The following HIRA variants were observed in gnomAD, a reference collection of about 807,000 sequenced individuals.
HIRA encodes histone cell cycle regulator.
HIRA carries 13 observed loss-of-function variants against 126.6 expected under a neutral mutation model. The ratio of observed to expected loss-of-function variants is 0.10; its 90% CI spans 0.07 to 0.16. The LOEUF is 0.16. HIRA is among the 10% of genes least tolerant of loss of function. The pLI is 1.00. For missense variants in HIRA, 834 were observed against 1,314.4 expected, an observed-to-expected ratio of 0.63 and a Z score of 5.65; for synonymous variants, 511 against 520.0, an observed-to-expected ratio of 0.98 and a Z score of 0.24.
intron 19 of HIRA, 27 bp from the exon 20 acceptor site, chr22:19,356,315 C>T: frequency 6.2e-7 from 1 of 1,606,314 alleles, no homozygotes; most frequent in Non-Finnish European, 8.5e-7. Flanking sequence ...GAACAGTTTA[C>T]TCACCAACCC....
At chr22:19,399,384 GCTGTGGTT>G in intron 5 of HIRA, among the ~76,000 whole-genome samples, 1 of 138,474 alleles carries the variant, frequency 7.2e-6, no homozygotes, top group African/African-American at 2.7e-5. Context: ...TGTCTCACAT[GCTGTGGTT>G]CACATTTTGT....
intron 20 of HIRA, 32 bp downstream of exon 20, chr22:19,356,198 A>G (rs928575735): frequency 2.5e-6 from 4 of 1,605,434 alleles, no homozygotes; most frequent in South Asian, 2.2e-5. Context: ...TGGGCCCCCA[A>G]AAGAGTAGGG....
At chr22:19,429,623 G>C (rs1266985247) in intron 1 of HIRA, among the ~76,000 whole-genome samples, 1 of 152,164 alleles carries the variant, frequency 6.6e-6, no homozygotes, top group East Asian at 1.9e-4. Flanking sequence ...TGCTTGCTCT[G>C]CCAGGCTGAT....
chr22:19,415,836 T>C (rs563864259), intron 1 of HIRA, among the ~76,000 whole-genome samples: 1 of 151,878 alleles, frequency 6.6e-6, no homozygotes, highest in Admixed American at 6.6e-5. Context: ...GTAGGCTTAA[T>C]GCAATCCCTA....
chr22:19,331,038 A>G lies in HIRA; in HGVS notation c.*402T>C. 1.3e-6 allele frequency: 1 copy of G among 796,540 alleles called. No homozygotes were observed. The highest frequency in any genetic ancestry group is 1.7e-6 in the Non-Finnish European group (1 of 582,458). The allele number at this position is 796,540 out of a possible 1,614,324, so 49.3% of individuals were successfully genotyped here. ...AGGTCTTAGGTCAGTCTGCTGTAAT[A>G]CCTAACGCTTCCGGATTCTCTCTCA... is the stretch of plus-strand genomic sequence containing the variant. On this transcript the variant is annotated 3_prime_UTR_variant, in exon 25 of 25. Transcript: ENST00000263208.
In HIRA at chr22:19,351,554, C is replaced by G; in HGVS notation, c.2849-108G>C. Reference sequence around the variant, plus strand: ...GAATATGTTGTTGTGTCTATCAAATCAGAATAAACACATGCGTATTTTATT... The same window carrying G: ...GAATATGTTGTTGTGTCTATCAAATGAGAATAAACACATGCGTATTTTATT... On this transcript the variant is annotated intron_variant, in intron 23 of 24. Transcript: ENST00000263208. This position sits in a 1 kb window ranked among gnomAD's most constrained non-coding sequence, Gnocchi z 4.8. 1.1e-6 allele frequency: 1 copy of G among 872,490 alleles called. No individual in the cohort carries two copies. The highest frequency in any genetic ancestry group is 1.6e-5 in the South Asian group (1 of 63,148). 54.0% of individuals were successfully genotyped at this position (872,490 alleles called of 1,614,324 possible).
chr22:19,423,309 C>G (rs1235888538), intron 1 of HIRA, among the ~76,000 whole-genome samples: 1 of 152,096 alleles, frequency 6.6e-6, no homozygotes, highest in East Asian at 1.9e-4. Context: ...CACCAGGAAG[C>G]TCCCCTCCCA....
intron 24 of HIRA, among the ~76,000 whole-genome samples, chr22:19,338,996 T>G (rs2088597080): frequency 1.3e-5 from 2 of 152,186 alleles, no homozygotes; most frequent in Non-Finnish European, 2.9e-5. Flanking sequence ...AACTGCAGAA[T>G]ATACATTCTT....
intron 1 of HIRA, among the ~76,000 whole-genome samples, chr22:19,419,532 C>A (rs1186005065): frequency 6.6e-6 from 1 of 152,158 alleles, no homozygotes; most frequent in Non-Finnish European, 1.5e-5. Context: ...TCCCCTTAGT[C>A]CTGATCTATT....
chr22:19,343,193 A>G (rs2088650292), intron 24 of HIRA, among the ~76,000 whole-genome samples: 1 of 152,210 alleles, frequency 6.6e-6, no homozygotes, highest in Non-Finnish European at 1.5e-5. Context: ...AAAGAAAAAA[A>G]GCAACTCATG....
intron 1 of HIRA, among the ~76,000 whole-genome samples, chr22:19,425,799 C>T (rs186853717): frequency 6.6e-6 from 1 of 152,232 alleles, no homozygotes; most frequent in African/African-American, 2.4e-5. Flanking sequence ...GCCAGGCCAA[C>T]GTGGCGAAAA....
chr22:19,344,067 C>A (rs563295215), intron 24 of HIRA, among the ~76,000 whole-genome samples: 5 of 152,032 alleles, frequency 3.3e-5, no homozygotes, highest in African/African-American at 1.2e-4. Context: ...TACAACATAC[C>A]AAAACTTACA....
intron 17 of HIRA, among the ~76,000 whole-genome samples, chr22:19,360,505 C>T (rs1248341892): frequency 2.6e-5 from 4 of 152,168 alleles, no homozygotes; most frequent in Non-Finnish European, 5.9e-5. Context: ...GAAGGGCTGA[C>T]GCCTGCTCTC....
At chr22:19,391,759 C>T (rs1342321621) in intron 9 of HIRA, among the ~76,000 whole-genome samples, 9 of 152,140 alleles carry the variant, frequency 5.9e-5, no homozygotes, top group African/African-American at 2.2e-4. Context: ...GGATTACAGG[C>T]GTGAGCCACC....
chr22:19,391,494 T>C (rs374591953), intron 9 of HIRA, among the ~76,000 whole-genome samples: 8 of 151,304 alleles, frequency 5.3e-5, no homozygotes, highest in African/African-American at 1.9e-4. Context: ...TTTTTTTTTT[T>C]TTTTTGAGAC....
chr22:19,337,328 A>C (rs1556006192), intron 24 of HIRA, among the ~76,000 whole-genome samples: 1 of 152,044 alleles, frequency 6.6e-6, no homozygotes, highest in Admixed American at 6.6e-5. Flanking sequence ...CAAAAATCAA[A>C]ACTTCTGGAA....
chr22:19,420,658 T>C (rs991192654), intron 1 of HIRA, among the ~76,000 whole-genome samples: 4 of 152,020 alleles, frequency 2.6e-5, no homozygotes, highest in African/African-American at 9.7e-5. Context: ...AAGGCTGCAG[T>C]GAACTATGGT....
At chr22:19,426,647 G>T (rs147284356) in intron 1 of HIRA, among the ~76,000 whole-genome samples, 2 of 152,158 alleles carry the variant, frequency 1.3e-5, no homozygotes. Context: ...TTTCTGTTCA[G>T]AGAGAGAGCC....
intron 1 of HIRA, among the ~76,000 whole-genome samples, chr22:19,418,928 A>G (rs2089421895): frequency 4.2e-5 from 1 of 23,956 alleles, no homozygotes; most frequent in Admixed American, 5.1e-4. Flanking sequence ...AGAAATAAAC[A>G]CACACACACA....
Sources: allele counts gnomAD v4.1 joint callset (sites outside exome capture counted in the v4.1 genomes callset), GRCh38; gene constraint gnomAD v4.1.1; non-coding constraint Gnocchi (gnomAD v3.1); transcripts MANE v1.5; gene names NCBI Gene and HGNC (gene_info 2026-07-23, HGNC 2026-07-21).